PDE1A: variants seen among roughly 807,000 people sequenced by gnomAD.
PDE1A encodes the protein dual specificity calcium/calmodulin-dependent 3',5'-cyclic nucleotide phosphodiesterase 1A.
Under a neutral mutation model 61.7 loss-of-function variants are expected in PDE1A, and 35 were observed. The observed-to-expected ratio is 0.57, with a 90% CI of 0.43 to 0.75. PDE1A has a LOEUF of 0.75. Ranked by LOEUF, PDE1A falls within the 30% of genes least tolerant of loss-of-function variation. PDE1A has a pLI of 0.00. For missense variants in PDE1A, 597 were observed against 630.6 expected (o/e 0.95, Z 0.57); for synonymous variants, 232 against 213.2 (o/e 1.09, Z -0.77).
At chr2:182,284,064 T>C (rs775198703) in intron 1 of PDE1A, among the ~76,000 whole-genome samples, 1 of 152,086 alleles carries the variant, frequency 6.6e-6, no homozygotes, top group Non-Finnish European at 1.5e-5. Flanking sequence ...GCTAGTGACC[T>C]GGCAGCCCTT....
chr2:182,648,527 A>ATT, the PDE1A span, among the ~76,000 whole-genome samples: 5 of 149,888 alleles, frequency 3.3e-5, no homozygotes, highest in Non-Finnish European at 1.5e-5. Flanking sequence ...AAAAAAAAAA[A>ATT]AAAAAAATTA....
At chr2:182,527,328 ATATATATATATATATATAT>A (rs1335288562), upstream of PDE1A, among the ~76,000 whole-genome samples, 96 of 9,202 alleles carry the variant, frequency 0.01, 26 homozygotes, top group Middle Eastern at 0.33. Context: ...AAAAAAAAAA[ATATATATATATATATATAT>A]ATATATATAT....
At chr2:182,356,915 G>A (rs938615866) in intron 1 of PDE1A, among the ~76,000 whole-genome samples, 4 of 152,074 alleles carry the variant, frequency 2.6e-5, no homozygotes, top group Admixed American at 2.6e-4. Context: ...ATCATTCTCA[G>A]CAAACTATCA....
At chr2:182,614,949 A>G in the PDE1A span, among the ~76,000 whole-genome samples, 1 of 152,242 alleles carries the variant, frequency 6.6e-6, no homozygotes, top group African/African-American at 2.4e-5. Context: ...TCAAACATAA[A>G]GTAAAATATG....
intron 2 of PDE1A, among the ~76,000 whole-genome samples, chr2:182,255,281 C>T (rs1574161283): frequency 6.6e-6 from 1 of 152,198 alleles, no homozygotes; most frequent in African/African-American, 2.4e-5. Flanking sequence ...GGTTGGGTTT[C>T]CTATCACTTA....
exon 14 of PDE1A, chr2:182,167,910 T>C: frequency 1.8e-6 from 2 of 1,087,994 alleles, no homozygotes; most frequent in Non-Finnish European, 2.2e-6. Flanking sequence ...CCAAGCTTTA[T>C]TGTAGAAATG....
chr2:182,392,977 A>G (rs1701503496), intron 1 of PDE1A, among the ~76,000 whole-genome samples: 1 of 152,204 alleles, frequency 6.6e-6, no homozygotes, highest in African/African-American at 2.4e-5. Context: ...CTGTTTGTGG[A>G]TCTACCATTC....
At chr2:182,548,470 T>C in the PDE1A span, among the ~76,000 whole-genome samples, 2 of 152,298 alleles carry the variant, frequency 1.3e-5, no homozygotes, top group African/African-American at 4.8e-5. Context: ...TCCCAATCTG[T>C]GCCTGACAAC....
chr2:182,364,147 G>C (rs1311292268), intron 1 of PDE1A, among the ~76,000 whole-genome samples: 2 of 151,864 alleles, frequency 1.3e-5, no homozygotes, highest in Admixed American at 6.6e-5. Context: ...TTGGCTCTAA[G>C]TACCTTCCTT....
the PDE1A span, among the ~76,000 whole-genome samples, chr2:182,542,667 T>C: frequency 6.6e-6 from 1 of 152,188 alleles, no homozygotes; most frequent in Non-Finnish European, 1.5e-5. Context: ...AATAGAAATC[T>C]CTTGGTTCCA....
the PDE1A span, among the ~76,000 whole-genome samples, chr2:182,712,733 T>C: frequency 6.6e-6 from 1 of 152,014 alleles, no homozygotes; most frequent in African/African-American, 2.4e-5. Flanking sequence ...ATTTTTTGTA[T>C]TTTTTGTAGA....
At chr2:182,145,666 T>A (rs956654494), downstream of PDE1A, among the ~76,000 whole-genome samples, 3 of 151,844 alleles carry the variant, frequency 2.0e-5, no homozygotes, top group Non-Finnish European at 2.9e-5. Context: ...GAGGCAGAGG[T>A]TGCAGTGAGC....
chr2:182,648,430 G>C, the PDE1A span, among the ~76,000 whole-genome samples: 1 of 147,416 alleles, frequency 6.8e-6, no homozygotes, highest in Admixed American at 7.0e-5. Flanking sequence ...CCAGCACTTA[G>C]GAAGCTGAGG....
intron 2 of PDE1A, chr2:182,463,671 A>C (rs139437068): frequency 5.3e-5 from 8 of 152,204 alleles, no homozygotes; most frequent in African/African-American, 1.9e-4. Flanking sequence ...TACGAGAGGA[A>C]GAACAAGTAC....
intron 1 of PDE1A, among the ~76,000 whole-genome samples, chr2:182,408,732 T>A (rs1425622659): frequency 6.6e-6 from 1 of 152,232 alleles, no homozygotes. Flanking sequence ...CCAGTGTTCA[T>A]AAACTGCTCA....
exon 13 of PDE1A, chr2:182,185,902 T>C: frequency 6.2e-7 from 1 of 1,613,960 alleles, no homozygotes; most frequent in Non-Finnish European, 8.5e-7. Flanking sequence ...CTTGTGCAGC[T>C]AACTCTTTCC....
At chr2:182,657,058 AC>A in the PDE1A span, among the ~76,000 whole-genome samples, 1 of 152,144 alleles carries the variant, frequency 6.6e-6, no homozygotes, top group African/African-American at 2.4e-5. Flanking sequence ...CCCCCTCTCT[AC>A]TAAAAATGCA....
chr2:182,444,873 A>G (rs1342843050), intron 2 of PDE1A, among the ~76,000 whole-genome samples: 1 of 152,152 alleles, frequency 6.6e-6, no homozygotes, highest in Non-Finnish European at 1.5e-5. Flanking sequence ...AGAACAAGGA[A>G]AAAGAACTCT....
At chr2:182,172,507 A>G (rs1692321300) in intron 13 of PDE1A, among the ~76,000 whole-genome samples, 1 of 151,988 alleles carries the variant, frequency 6.6e-6, no homozygotes, top group Non-Finnish European at 1.5e-5. Flanking sequence ...TGATGCACAC[A>G]CCCAAAGCAG....
Sources: allele counts gnomAD v4.1 joint callset (sites outside exome capture counted in the v4.1 genomes callset), GRCh38; gene constraint gnomAD v4.1.1; transcripts MANE v1.5; gene names NCBI Gene and HGNC (gene_info 2026-07-23, HGNC 2026-07-21).